The following MMRN2 variants were observed in gnomAD, a reference collection of about 807,000 sequenced individuals.
The protein encoded by MMRN2 is multimerin 2.
Under a neutral mutation model 68.8 loss-of-function variants are expected in MMRN2, and 53 were observed. The ratio of observed to expected loss-of-function variants is 0.77; its 90% confidence interval spans 0.62 to 0.97. The LOEUF is 0.97. Ranked by LOEUF, MMRN2 falls within the 50% of genes least tolerant of loss-of-function variation. The pLI, the probability that MMRN2 is intolerant of heterozygous loss-of-function variation, is 0.00. For synonymous variants in MMRN2, 564 were observed against 551.6 expected, an observed-to-expected ratio of 1.02 and a Z score of -0.32; for missense variants, 1,266 against 1,259.5, an observed-to-expected ratio of 1.01 and a Z score of -0.08.
chr10:86,956,757 C>T (rs1309538129), intron 1 of MMRN2, among the ~76,000 whole-genome samples: 1 of 152,190 alleles, frequency 6.6e-6, no homozygotes, highest in East Asian at 1.9e-4. Flanking sequence ...GACTGAGGGG[C>T]AGTTGGAGAT....
rs771334698 is a variant in MMRN2, at chr10:86,943,915, C to A, written c.869G>T (p.Gly290Val). The change falls in exon 6 of 7, where the codon GGT (glycine) becomes GTT (valine). Residue 290 changes from glycine to valine, a missense_variant. Physicochemically the swap from Gly to Val is moderately radical, Grantham distance 109. Coordinates refer to ENST00000372027, the MANE Select transcript of MMRN2 (RefSeq NM_024756.3). The surrounding 1 kb of genome is among the most constrained non-coding windows in gnomAD (Gnocchi z 4.2). The stretch of plus-strand genomic sequence containing the variant: ...CTGGACCTTGGCCTCAAATTTGGCA[C>A]CAAGCTCCTGGAAGTCAGCCCTGGC... ...AVARADFQEL[G>V]AKFEAKVQEN... The A allele has an allele frequency of 2.0e-5, 32 of 1,613,984 alleles. No homozygotes were observed. The Admixed American group carries it at 5.0e-4, about 25-fold the overall frequency.
chr10:86,936,515 TC>T lies in MMRN2; in HGVS notation c.*227del. On this transcript the variant is annotated 3_prime_UTR_variant, in exon 7 of 7. Transcript: ENST00000372027. Reference sequence around the variant, plus strand: ...GGCATGCCAAGCCAAGGTTCAGGCTTCCTAGGACCATGTCCTGCCCGGAGAA... The same window carrying T: ...GGCATGCCAAGCCAAGGTTCAGGCTTCTAGGACCATGTCCTGCCCGGAGAA... 1 of 601,736 alleles carries T rather than the reference TC, an allele frequency of 1.7e-6. No homozygotes were observed. The highest frequency in any genetic ancestry group is 2.9e-6 in the Non-Finnish European group (1 of 342,242). 37.3% of individuals were successfully genotyped at this position (601,736 alleles called of 1,614,324 possible). A position where few individuals can be genotyped will look rare whatever the true frequency, so the allele number is the denominator to read the frequency against.
At chr10:86,938,331 C>A (rs1412934178) in intron 6 of MMRN2, among the ~76,000 whole-genome samples, 2 of 150,826 alleles carry the variant, frequency 1.3e-5, no homozygotes, top group African/African-American at 4.8e-5. Context: ...CTCCTGGGAA[C>A]AGACCTTGAA....
In MMRN2 at chr10:86,942,383, G is replaced by A. The variant is rs1843985171; in HGVS notation, c.2401C>T (p.Pro801Ser). Residue 801 changes from proline to serine, a missense_variant, in exon 6 of 7, where the codon CCT (proline) becomes TCT (serine). Coordinates refer to ENST00000372027, the MANE Select transcript of MMRN2 (RefSeq NM_024756.3). ...PRKRDKKEAE[P>S]LVDIRVTGPV... is the part of the protein sequence containing the mutation. ...CCTGTGACCCGTATGTCCACCAAAG[G>A]CTCCGCTTCCTTCTTGTCCCTCTTC... 2 of 1,614,022 alleles carry A rather than the reference G, an allele frequency of 1.2e-6. No individual in the cohort carries two copies. The highest frequency in any genetic ancestry group is 2.7e-5 in the African/African-American group (2 of 74,936).
At chr10:86,942,170 G>T in intron 6 of MMRN2, 147 bp downstream of exon 6, 1 of 926,702 alleles carries the variant, frequency 1.1e-6, no homozygotes, top group Non-Finnish European at 1.6e-6. Flanking sequence ...CTGAGAAGCA[G>T]GTGGGCCAAG....
At chr10:86,937,774 CAG>C (rs1460278202) in intron 6 of MMRN2, among the ~76,000 whole-genome samples, 1 of 152,128 alleles carries the variant, frequency 6.6e-6, no homozygotes, top group Non-Finnish European at 1.5e-5. Context: ...TTGAGATACT[CAG>C]GGGAGAGGGA....
Position 86,943,086 on chromosome 10 carries a change from G to A in MMRN2, c.1698C>T (p.Ser566=). The A allele has an allele frequency of 6.9e-7, 1 of 1,447,114 alleles. No homozygotes were observed. The highest frequency in any genetic ancestry group is 2.9e-5 in the Admixed American group (1 of 35,070). 89.6% of individuals were successfully genotyped at this position (1,447,114 alleles called of 1,614,324 possible). ...CCTCGTCATCCAGCGCCTGCACTTG[G>A]CTCCGGAGCCGCGACGTGGCCGCCC... ...RARAATSRLR[S]QVQALDDEVG... is the part of the protein sequence containing the mutation. The change falls in exon 6 of 7, where the codon AGC becomes AGT. Residue 566 remains serine, a synonymous_variant. Coordinates refer to ENST00000372027, the MANE Select transcript of MMRN2 (RefSeq NM_024756.3). This position sits in a 1 kb window ranked among gnomAD's most constrained non-coding sequence, Gnocchi z 4.2.
At chr10:86,948,472 T>C (rs897217049) in intron 1 of MMRN2, among the ~76,000 whole-genome samples, 5 of 151,982 alleles carry the variant, frequency 3.3e-5, no homozygotes, top group African/African-American at 9.7e-5. Flanking sequence ...ATTAAAAACG[T>C]AACAGTAAAA....
chr10:86,943,169 C>T lies in MMRN2; in HGVS notation c.1615G>A (p.Ala539Thr), dbSNP rs1437528943. ...ACGGCCAGCGACACGGCGTCCACGGCGTTCTGCAGGGCCTGCAGGGAGGAG... is the reference window on the plus strand; with the variant it reads ...ACGGCCAGCGACACGGCGTCCACGGTGTTCTGCAGGGCCTGCAGGGAGGAG... ...DGSSLQALQN[A>T]VDAVSLAVDA... The change falls in exon 6 of 7, where the codon GCC becomes ACC. Residue 539 changes from alanine (A) to threonine (T), a missense_variant. Ala to Thr is a moderately conservative substitution (Grantham distance 58). Transcript: ENST00000372027. The surrounding 1 kb of genome is among the most constrained non-coding windows in gnomAD (Gnocchi z 4.2). 4 of 1,605,354 alleles carry T rather than the reference C, an allele frequency of 2.5e-6. No homozygotes were observed. Among genetic ancestry groups the T allele is most frequent in the Admixed American group, 1.7e-5 (1 of 59,658 alleles).
At chr10:86,956,874 G>C (rs1844243229) in intron 1 of MMRN2, among the ~76,000 whole-genome samples, 1 of 152,232 alleles carries the variant, frequency 6.6e-6, no homozygotes, top group African/African-American at 2.4e-5. Flanking sequence ...AGACCATCCT[G>C]CCCACTTGCT....
At chr10:86,957,179 G>A (rs1844248824) in intron 1 of MMRN2, among the ~76,000 whole-genome samples, 199 bp downstream of exon 1, 1 of 152,338 alleles carries the variant, frequency 6.6e-6, no homozygotes, top group South Asian at 2.1e-4. Context: ...GCTCCGACAG[G>A]GAACTCCCTG....
rs777289441 is a variant in MMRN2 at position 86,945,371 on chromosome 10, G to A, written c.399C>T (p.His133=). 5.6e-5 allele frequency: 89 copies of A among 1,595,100 alleles called. No homozygotes were observed. The highest frequency in any genetic ancestry group is 2.7e-5 in the African/African-American group (2 of 74,660). The change falls in exon 3 of 7, where the codon CAC becomes CAT. Residue 133 remains histidine (H), a splice_region_variant and synonymous_variant. Transcript: ENST00000372027. ...GAAGGGGGCCGCAGGGAGCCCTACC[G>A]TGGTGCTCGCAGTTGGGGCCCGTGT... The part of the protein sequence containing the change: ...PGYTGPNCEH[H]DSMAIPEPAD...
At chr10:86,944,228 G>T in intron 5 of MMRN2, 34 bp downstream of exon 5, 1 of 1,594,566 alleles carries the variant, frequency 6.3e-7, no homozygotes, top group South Asian at 1.1e-5. Context: ...AATGTGACCA[G>T]GCTCTTCCTC....
At chr10:86,939,806 G>GGTGTGTGTGTGT (rs769816445) in intron 6 of MMRN2, among the ~76,000 whole-genome samples, 2 of 146,624 alleles carry the variant, frequency 1.4e-5, no homozygotes, top group African/African-American at 5.1e-5. Context: ...GGAAATTTGG[G>GGTGTGTGTGTGT]GTGTGTGTGT....
At position 86,936,946 on chromosome 10, in the gene MMRN2, C is replaced by T; in HGVS notation, c.2647G>A (p.Gly883Ser). The part of the protein sequence containing the change: ...AVSVEFGPGP[G>S]TGQLVFGGHH... ...CCTCCAAACACCAGCTGCCCGGTGC[C>T]TGGCCCTGGGCCAAATTCAACGCTC... The change falls in exon 7 of 7, where the codon GGC (glycine) becomes AGC (serine). Residue 883 changes from glycine (G) to serine (S), a missense_variant. Coordinates refer to ENST00000372027, the MANE Select transcript of MMRN2 (RefSeq NM_024756.3). 1 of 1,614,248 alleles carries T rather than the reference C, an allele frequency of 6.2e-7. No individual in the cohort carries two copies. Among genetic ancestry groups the T allele is most frequent in the East Asian group, 2.2e-5 (1 of 44,884 alleles).
At chr10:86,939,160 C>CAAAA (rs71019439) in intron 6 of MMRN2, among the ~76,000 whole-genome samples, 1 of 96,512 alleles carries the variant, frequency 1.0e-5, no homozygotes, top group African/African-American at 4.3e-5. Flanking sequence ...GAAACTCCGT[C>CAAAA]AAAAAAAAAA....
rs115305131 is a variant in MMRN2, at chr10:86,951,148, T to C, written c.165-5459A>G. 4.8e-3 allele frequency among the ~76,000 whole-genome samples: 731 copies of C among 152,292 alleles called. 8 individuals are homozygous for C. Among genetic ancestry groups the C allele is most frequent in the African/African-American group, 0.017 (699 of 41,532 alleles). On this transcript the variant is annotated intron_variant, in intron 1 of 6. Transcript: ENST00000372027. ...GTAGCAATGCAAGCATGTTCTTTAG[T>C]GATACAGAGGTAAATGCAAAAGAAT...
chr10:86,952,139 G>C (rs7080684), intron 1 of MMRN2, among the ~76,000 whole-genome samples: 75,992 of 152,016 alleles, frequency 0.5, 19,219 homozygotes, highest in African/African-American at 0.56. Flanking sequence ...GAAAATGATG[G>C]GGCGTTGGCT....
chr10:86,945,981 G>T (rs1411747736), intron 1 of MMRN2, among the ~76,000 whole-genome samples: 6 of 152,232 alleles, frequency 3.9e-5, no homozygotes, highest in African/African-American at 1.4e-4. Flanking sequence ...CAGCTCCAGG[G>T]TGATGATTGT....
Sources: allele counts gnomAD v4.1 joint callset (sites outside exome capture counted in the v4.1 genomes callset), GRCh38; gene constraint gnomAD v4.1.1; non-coding constraint Gnocchi (gnomAD v3.1); transcripts MANE v1.5; gene names NCBI Gene and HGNC (gene_info 2026-07-23, HGNC 2026-07-21).